The following NNT variants were observed in gnomAD, a reference collection of about 807,000 sequenced individuals.
NNT encodes NAD(P) transhydrogenase, mitochondrial.
A neutral mutation model predicts 104.8 loss-of-function variants in NNT; 50 were observed. The ratio of observed to expected loss-of-function variants is 0.48; its 90% confidence interval spans 0.38 to 0.60. The LOEUF (loss-of-function observed/expected upper bound fraction) is 0.60, where lower values mean the gene tolerates loss of function less well. NNT is among the 20% of genes least tolerant of loss of function. The pLI is 0.00. For missense variants in NNT, 1,131 were observed against 1,330.7 expected (o/e 0.85, Z 2.33); for synonymous variants, 461 against 490.4 (o/e 0.94, Z 0.79).
intron 17 of NNT, among the ~76,000 whole-genome samples, chr5:43,665,580 G>A (rs979368441): frequency 1.2e-4 from 19 of 152,290 alleles, no homozygotes; most frequent in Admixed American, 7.2e-4. Flanking sequence ...GCATCCCAAG[G>A]CAGAAGAATT....
intron 6 of NNT, 46 bp from the exon 7 acceptor site, chr5:43,628,154 T>C: frequency 1.4e-6 from 2 of 1,400,108 alleles, no homozygotes; most frequent in South Asian, 3.4e-5. Context: ...GACTTCTTTA[T>C]TAGGGCCTGA....
intron 17 of NNT, among the ~76,000 whole-genome samples, chr5:43,665,962 G>A (rs62367653): frequency 0.037 from 5,681 of 151,862 alleles, 137 homozygotes; most frequent in East Asian, 0.12. Flanking sequence ...ACGGGGTCGC[G>A]CCCCGGCAGA....
intron 19 of NNT, among the ~76,000 whole-genome samples, chr5:43,682,968 C>T (rs1288172403): frequency 1.3e-5 from 2 of 152,226 alleles, no homozygotes; most frequent in Middle Eastern, 6.8e-3. Context: ...ATTTGTCTCC[C>T]AATTTCAATG....
chr5:43,696,587 C>T (rs965386421), intron 19 of NNT, among the ~76,000 whole-genome samples: 2 of 152,194 alleles, frequency 1.3e-5, no homozygotes, highest in Non-Finnish European at 2.9e-5. Context: ...GATCCGACCC[C>T]ACATTTCCCT....
chr5:43,688,545 CTT>C (rs934771771), intron 19 of NNT, among the ~76,000 whole-genome samples: 5 of 152,090 alleles, frequency 3.3e-5, no homozygotes, highest in African/African-American at 1.2e-4. Flanking sequence ...AATGTGTACT[CTT>C]TTATCCCTTG....
chr5:43,671,444 G>A (rs1222892803), intron 17 of NNT, among the ~76,000 whole-genome samples: 1 of 152,196 alleles, frequency 6.6e-6, no homozygotes, highest in Non-Finnish European at 1.5e-5. Context: ...TCCATGTGTA[G>A]TGCTTCCTTC....
chr5:43,672,649 C>A (rs534311345), intron 17 of NNT, among the ~76,000 whole-genome samples: 4 of 152,328 alleles, frequency 2.6e-5, no homozygotes, highest in African/African-American at 9.6e-5. Flanking sequence ...CTGGAAGCTT[C>A]GTCTCAGAGG....
intron 7 of NNT, among the ~76,000 whole-genome samples, chr5:43,638,685 C>G (rs1329378077): frequency 1.3e-5 from 2 of 148,894 alleles, no homozygotes; most frequent in African/African-American, 4.9e-5. Flanking sequence ...TTTTTAGACC[C>G]TCTAATTTGA....
chr5:43,693,703 G>T (rs1742406829), intron 19 of NNT, among the ~76,000 whole-genome samples: 1 of 151,942 alleles, frequency 6.6e-6, no homozygotes, highest in African/African-American at 2.4e-5. Flanking sequence ...TGTTTCTAGA[G>T]AATTAAAAAA....
At chr5:43,692,170 CAAAT>C (rs979401194) in intron 19 of NNT, among the ~76,000 whole-genome samples, 3 of 151,294 alleles carry the variant, frequency 2.0e-5, no homozygotes, top group African/African-American at 7.4e-5. Flanking sequence ...ACGTAGTTAT[CAAAT>C]AAAGCATTAA....
chr5:43,644,720 A>G lies in NNT; in HGVS notation c.1208A>G (p.Lys403Arg). The G allele has an allele frequency of 6.2e-7, 1 of 1,614,212 alleles. No homozygotes were observed. The highest frequency in any genetic ancestry group is 8.5e-7 in the Non-Finnish European group (1 of 1,180,038). Residue 403 changes from lysine (K) to arginine (R), a missense_variant, in exon 9 of 22, where the codon AAA (lysine) becomes AGA (arginine). Physicochemically the swap from Lys to Arg is conservative, Grantham distance 26. Transcript: ENST00000344920. ...CTCCTGAAGGCCATCAGCCCGGACA[A>G]AGATAATTTTTATTTTGATGTGAAA... ...TKLLKAISPD[K>R]DNFYFDVKDD...
At chr5:43,657,390 T>G (rs1740115368) in intron 16 of NNT, among the ~76,000 whole-genome samples, 1 of 152,246 alleles carries the variant, frequency 6.6e-6, no homozygotes, top group Admixed American at 6.5e-5. Context: ...TTTAGTTGTC[T>G]ATGTGACAGT....
chr5:43,704,202 T>G (rs1045286271), intron 21 of NNT, 53 bp from the exon 22 acceptor site: 1 of 1,458,742 alleles, frequency 6.9e-7, no homozygotes, highest in Non-Finnish European at 9.1e-7. Flanking sequence ...TTGCCTAACA[T>G]GTCCTAGGTT....
At chr5:43,681,811 C>G (rs1479309875) in intron 19 of NNT, among the ~76,000 whole-genome samples, 1 of 152,144 alleles carries the variant, frequency 6.6e-6, no homozygotes, top group Non-Finnish European at 1.5e-5. Flanking sequence ...ACTGAGCATA[C>G]AAGGATGCGT....
chr5:43,647,863 C>T lies in NNT; in HGVS notation c.1445-1284C>T, dbSNP rs559043080. 161 of 455,640 alleles carry T rather than the reference C, an allele frequency of 3.5e-4. 2 individuals are homozygous for T. The highest frequency in any genetic ancestry group is 2.4e-3 in the South Asian group (154 of 64,534). The allele number at this position is 455,640 out of a possible 1,614,324, so 28.2% of individuals were successfully genotyped here. ...GCATTGTGCTAAATACTTCACATGT[C>T]TTAGCTCATTTATTTTTTACAAGAA... On this transcript the variant is annotated intron_variant, in intron 10 of 21. Transcript: ENST00000344920.
intron 19 of NNT, among the ~76,000 whole-genome samples, chr5:43,684,145 A>G (rs1741862254): frequency 6.6e-6 from 1 of 152,172 alleles, no homozygotes; most frequent in Admixed American, 6.5e-5. Context: ...ATTCACATTC[A>G]TAAGACAAGG....
chr5:43,658,608 T>C (rs1436896504), intron 16 of NNT, among the ~76,000 whole-genome samples: 1 of 152,226 alleles, frequency 6.6e-6, no homozygotes, highest in Non-Finnish European at 1.5e-5. Context: ...ACAGGATTGC[T>C]TGGAGTCTGT....
At chr5:43,658,567 G>A (rs1740182797) in intron 16 of NNT, among the ~76,000 whole-genome samples, 1 of 152,146 alleles carries the variant, frequency 6.6e-6, no homozygotes, top group African/African-American at 2.4e-5. Context: ...GTGGTGGGGG[G>A]CAGCTGAAAT....
chr5:43,700,197 C>T lies in NNT; in HGVS notation c.2955C>T (p.Asp985=). Residue 985 remains aspartate, a synonymous_variant, in exon 20 of 22, where the codon GAC becomes GAT. Transcript: ENST00000344920. ...TGGCTGAGGCTGGTGTGCCATATGA[C>T]ATTGTGTTGGAAATGGATGAGATCA... The part of the protein sequence containing the change: ...VLLAEAGVPY[D]IVLEMDEINH... 1 of 1,613,632 alleles carries T rather than the reference C, an allele frequency of 6.2e-7. No individual in the cohort carries two copies. Among genetic ancestry groups the T allele is most frequent in the Non-Finnish European group, 8.5e-7 (1 of 1,179,750 alleles).
Sources: allele counts gnomAD v4.1 joint callset (sites outside exome capture counted in the v4.1 genomes callset), GRCh38; gene constraint gnomAD v4.1.1; transcripts MANE v1.5; gene names NCBI Gene and HGNC (gene_info 2026-07-23, HGNC 2026-07-21).